The following BUB3 variants were observed in gnomAD, a reference collection of about 807,000 sequenced individuals.
BUB3 encodes the protein mitotic checkpoint protein BUB3.
In BUB3, 22 loss-of-function variants were observed where a neutral mutation model predicts 39.9. The ratio of observed to expected loss-of-function variants is 0.55; its 90% CI spans 0.39 to 0.79. BUB3 has a LOEUF of 0.79. Ranked by LOEUF, BUB3 falls within the 30% of genes least tolerant of loss-of-function variation. The probability of loss-of-function intolerance (pLI) is 0.00; values close to 1 mark genes in which losing one functional copy is unlikely to be tolerated. For missense variants in BUB3, 303 were observed against 415.4 expected, an observed-to-expected ratio of 0.73 and a Z score of 2.35; for synonymous variants, 168 against 155.1, an observed-to-expected ratio of 1.08 and a Z score of -0.62.
At chr10:123,158,229 T>C (rs1589689278) in intron 4 of BUB3, among the ~76,000 whole-genome samples, 1 of 152,208 alleles carries the variant, frequency 6.6e-6, no homozygotes, top group Admixed American at 6.5e-5. Flanking sequence ...AACCAGAAGA[T>C]TGGATGGAGC....
rs760763404 is a variant in BUB3 at position 123,157,730 on chromosome 10, A to G, written c.267A>G (p.Glu89=). The part of the protein sequence containing the change: ...LKMHDLNTDQ[E]NLVGTHDAPI... ...TTTCCCCTTTTTTTTTCTCTATAGAAAATCTTGTTGGGACCCATGATGCCC... is the reference window on the plus strand; with the variant it reads ...TTTCCCCTTTTTTTTTCTCTATAGAGAATCTTGTTGGGACCCATGATGCCC... The change falls in exon 4 of 8, where the codon GAA becomes GAG. Residue 89 remains glutamate, a splice_region_variant and synonymous_variant. Transcript: ENST00000368865. 15 of 1,577,282 alleles carry G rather than the reference A, an allele frequency of 9.5e-6. No homozygotes were observed. In the South Asian group the frequency reaches 1.8e-4, roughly 19 times the overall value.
chr10:123,159,750 A>T (rs1266231203), intron 4 of BUB3, among the ~76,000 whole-genome samples: 1 of 152,244 alleles, frequency 6.6e-6, no homozygotes, highest in Non-Finnish European at 1.5e-5. Flanking sequence ...GCATAGTATT[A>T]CATCAGGGCA....
rs1473792304 is a variant in BUB3, at chr10:123,169,313, T to C, written c.*5478T>C. ...TGCACTTAATATGAAATTTTGCCCA[T>C]GATTTATTTTTTACCTTATTTTTAA... On this transcript the variant is annotated 3_prime_UTR_variant, in exon 8 of 8. Coordinates refer to ENST00000368865, the MANE Select transcript of BUB3 (RefSeq NM_004725.4). 2 of 152,356 alleles carry C rather than the reference T, an allele frequency of 1.3e-5. No homozygotes were observed. The highest frequency in any genetic ancestry group is 3.9e-4 in the East Asian group (2 of 5,190). 9.4% of individuals were successfully genotyped at this position (152,356 alleles called of 1,614,324 possible). A position where few individuals can be genotyped will look rare whatever the true frequency, so the allele number is the denominator to read the frequency against.
intron 1 of BUB3, 91 bp from the exon 2 acceptor site, chr10:123,154,827 C>A (rs1425971928): frequency 2.2e-6 from 3 of 1,389,322 alleles, no homozygotes; most frequent in Non-Finnish European, 2.9e-6. Flanking sequence ...TCCTCTCGGC[C>A]CCTCCCTCTG....
In BUB3 at chr10:123,165,088, G is replaced by A. The variant is rs1844472668; in HGVS notation, c.*1253G>A. ...TGTGAAAGTGGTTTCTCTATGGAAAGCTTTGTTTGCTTCCTACAAATACAT... is the reference window on the plus strand; with the variant it reads ...TGTGAAAGTGGTTTCTCTATGGAAAACTTTGTTTGCTTCCTACAAATACAT... On this transcript the variant is annotated 3_prime_UTR_variant, in exon 8 of 8. Coordinates refer to ENST00000368865, the MANE Select transcript of BUB3 (RefSeq NM_004725.4). 3 of 1,596,564 alleles carry A rather than the reference G, an allele frequency of 1.9e-6. No individual in the cohort carries two copies. The highest frequency in any genetic ancestry group is 1.1e-5 in the South Asian group (1 of 90,640).
At chr10:123,160,095 A>G (rs1011346884) in intron 4 of BUB3, among the ~76,000 whole-genome samples, 4 of 152,202 alleles carry the variant, frequency 2.6e-5, no homozygotes, top group Non-Finnish European at 4.4e-5. Context: ...TAAATGAAAC[A>G]TGAAGGCTAG....
intron 1 of BUB3, chr10:123,154,717 G>C: frequency 1.7e-6 from 1 of 574,680 alleles, no homozygotes; most frequent in Non-Finnish European, 3.0e-6. Context: ...GTGCGGGCTG[G>C]GCCGGTTTGG....
In BUB3 at chr10:123,157,085, C is replaced by T. The variant is rs537723403; in HGVS notation, c.266-644C>T. Among the ~76,000 whole-genome samples, 8 of 152,212 alleles carry T rather than the reference C, an allele frequency of 5.3e-5. No homozygotes were observed. In the East Asian group the frequency reaches 1.5e-3, roughly 29 times the overall value. ...ATATCCTTAGCAGTTGGCACAGATT[C>T]TGGTACATAGTAGATGTTAGTTGAA... On this transcript the variant is annotated intron_variant, in intron 3 of 7. Coordinates refer to ENST00000368865, the MANE Select transcript of BUB3 (RefSeq NM_004725.4).
chr10:123,159,526 C>A (rs1374421335), intron 4 of BUB3, among the ~76,000 whole-genome samples: 1 of 152,072 alleles, frequency 6.6e-6, no homozygotes, highest in Non-Finnish European at 1.5e-5. Context: ...ATTTTTTTGC[C>A]ACCTTTTTAA....
intron 4 of BUB3, among the ~76,000 whole-genome samples, chr10:123,158,085 T>C (rs1844373091): frequency 6.6e-6 from 1 of 152,254 alleles, no homozygotes; most frequent in Admixed American, 6.5e-5. Flanking sequence ...GGCCAACTTT[T>C]ATTTGTCAGT....
rs566730703 is a variant in BUB3 at position 123,166,505 on chromosome 10, AT to A, written c.*2672del. 9.2e-5 allele frequency: 14 copies of A among 152,298 alleles called. No individual in the cohort carries two copies. The South Asian group carries it at 2.9e-3, about 32-fold the overall frequency. The allele number at this position is 152,298 out of a possible 1,614,324, so 9.4% of individuals were successfully genotyped here. A position where few individuals can be genotyped will look rare whatever the true frequency, so the allele number is the denominator to read the frequency against. On this transcript the variant is annotated 3_prime_UTR_variant, in exon 8 of 8. Coordinates refer to ENST00000368865, the MANE Select transcript of BUB3 (RefSeq NM_004725.4). ...AGAAATCCTGGCTATGTCACCTTGA[AT>A]TGATTTTACAACAAATGCCTGTCAC...
intron 3 of BUB3, among the ~76,000 whole-genome samples, chr10:123,156,753 G>GTTTGTTTTTTTTTTTTTTTTTTTTTT (rs1844352654): frequency 7.4e-6 from 1 of 135,080 alleles, no homozygotes; most frequent in Non-Finnish European, 1.6e-5. Flanking sequence ...TTTCTTTCTT[G>GTTTGTTTTTTTTTTTTTTTTTTTTTT]TTTTTTTTTT....
Position 123,164,078 on chromosome 10 carries a change from G to T in BUB3, c.*243G>T. ...TTGGGCAAACAAAATTGGAGGGCAA[G>T]TGACTGCAGTTTTGAGAATCAGTTT... On this transcript the variant is annotated 3_prime_UTR_variant, in exon 8 of 8. Coordinates refer to ENST00000368865, the MANE Select transcript of BUB3 (RefSeq NM_004725.4). 4.2e-6 allele frequency: 5 copies of T among 1,190,960 alleles called. No individual in the cohort carries two copies. The highest frequency in any genetic ancestry group is 5.2e-6 in the Non-Finnish European group (5 of 961,728). The allele number at this position is 1,190,960 out of a possible 1,614,324, so 73.8% of individuals were successfully genotyped here. A position where few individuals can be genotyped will look rare whatever the true frequency, so the allele number is the denominator to read the frequency against.
chr10:123,160,624 T>A, intron 5 of BUB3, 59 bp downstream of exon 5: 1 of 1,407,008 alleles, frequency 7.1e-7, no homozygotes, highest in South Asian at 1.8e-5. Flanking sequence ...TCTTATATTA[T>A]AATGATTTGG....
rs1016720137 is a variant in BUB3 at position 123,168,445 on chromosome 10, A to G, written c.*4610A>G. 1 of 152,234 alleles carries G rather than the reference A, an allele frequency of 6.6e-6. No homozygotes were observed. The highest frequency in any genetic ancestry group is 2.4e-5 in the African/African-American group (1 of 41,458). The allele number at this position is 152,234 out of a possible 1,614,324, so 9.4% of individuals were successfully genotyped here. A position where few individuals can be genotyped will look rare whatever the true frequency, so the allele number is the denominator to read the frequency against. ...GCTATACTTAGAAGTCATCCTCTAG[A>G]GCAAGCTTGTCCAATTTGTTGTCCA... On this transcript the variant is annotated 3_prime_UTR_variant, in exon 8 of 8. Transcript: ENST00000368865.
intron 5 of BUB3, among the ~76,000 whole-genome samples, chr10:123,161,125 C>A (rs1164235130): frequency 6.6e-6 from 1 of 152,006 alleles, no homozygotes; most frequent in Non-Finnish European, 1.5e-5. Flanking sequence ...CTTCCATCAT[C>A]GCTAAATGAT....
chr10:123,160,617 T>C, intron 5 of BUB3, 52 bp downstream of exon 5: 1 of 1,407,210 alleles, frequency 7.1e-7, no homozygotes, highest in Non-Finnish European at 9.4e-7. Flanking sequence ...AATATGATCT[T>C]ATATTATAAT....
chr10:123,159,048 G>A (rs1319459733), intron 4 of BUB3, among the ~76,000 whole-genome samples: 3 of 152,124 alleles, frequency 2.0e-5, no homozygotes, highest in African/African-American at 4.8e-5. Flanking sequence ...TATTTTTAAA[G>A]TTTGGTACTT....
At chr10:123,156,418 A>G (rs1392125781) in intron 3 of BUB3, among the ~76,000 whole-genome samples, 1 of 152,170 alleles carries the variant, frequency 6.6e-6, no homozygotes, top group Non-Finnish European at 1.5e-5. Flanking sequence ...GGGTACAGAG[A>G]TATGACTAGA....
Sources: allele counts gnomAD v4.1 joint callset (sites outside exome capture counted in the v4.1 genomes callset), GRCh38; gene constraint gnomAD v4.1.1; transcripts MANE v1.5; gene names NCBI Gene and HGNC (gene_info 2026-07-23, HGNC 2026-07-21).